GNAQ: variants seen among roughly 807,000 people sequenced by gnomAD.
The protein encoded by GNAQ is G protein subunit alpha q.
A neutral mutation model predicts 43.9 loss-of-function variants in GNAQ; 8 were observed. The observed-to-expected ratio is 0.18, with a 90% CI of 0.11 to 0.33. The LOEUF is 0.33. Among genes scored for constraint, GNAQ ranks in the 10% least tolerant of loss-of-function variants. The probability of loss-of-function intolerance (pLI) is 1.00; values close to 1 mark genes in which losing one functional copy is unlikely to be tolerated. For missense variants in GNAQ, 158 were observed against 450.8 expected, an observed-to-expected ratio of 0.35 and a Z score of 5.88; for synonymous variants, 155 against 170.7, an observed-to-expected ratio of 0.91 and a Z score of 0.71.
chr9:77,862,004 G>A (rs1280298263), intron 2 of GNAQ, among the ~76,000 whole-genome samples: 2 of 86,464 alleles, frequency 2.3e-5, no homozygotes. Flanking sequence ...GACTCTGTCT[G>A]GGGTAAAAAA....
chr9:77,955,384 A>C (rs1489738824), intron 1 of GNAQ, among the ~76,000 whole-genome samples: 1 of 152,042 alleles, frequency 6.6e-6, no homozygotes, highest in Non-Finnish European at 1.5e-5. Context: ...CTTGTGATCC[A>C]CCTGCCTCGG....
chr9:78,014,376 A>G (rs1428313633), intron 1 of GNAQ, among the ~76,000 whole-genome samples: 1 of 152,080 alleles, frequency 6.6e-6, no homozygotes, highest in East Asian at 1.9e-4. Flanking sequence ...TGTAATCCCA[A>G]CATTTTGGCA....
chr9:77,915,358 T>A lies in GNAQ; in HGVS notation c.321+6803A>T, dbSNP rs376049387. Among the ~76,000 whole-genome samples the A allele has an allele frequency of 3.9e-5, 6 of 152,136 alleles. No homozygotes were observed. In the East Asian group the frequency reaches 7.7e-4, roughly 20 times the overall value. On this transcript the variant is annotated intron_variant, in intron 2 of 6. Transcript: ENST00000286548. ...TTCTTTATTTCTGTACCTCTTTTAG[T>A]ATCCCATTTCAATGACTGTCACTCT...
intron 1 of GNAQ, among the ~76,000 whole-genome samples, chr9:77,996,259 AT>A (rs1263182651): frequency 5.3e-5 from 8 of 152,316 alleles, no homozygotes; most frequent in African/African-American, 1.9e-4. Context: ...GCTTTATTTA[AT>A]TTCATCTTTT....
rs1408231391 is a variant in GNAQ, at chr9:77,717,668, C to G, written c.*3655G>C. ...TTGACAATCAAGATAGTCTGAAGTA[C>G]AAAAAAGTAAATTGCCCTTTAGCTG... On this transcript the variant is annotated 3_prime_UTR_variant, in exon 7 of 7. Transcript: ENST00000286548. The G allele has an allele frequency of 4.4e-6, 1 of 228,530 alleles. No individual in the cohort carries two copies. Among genetic ancestry groups the G allele is most frequent in the Non-Finnish European group, 8.6e-6 (1 of 116,472 alleles). 14.2% of individuals were successfully genotyped at this position (228,530 alleles called of 1,614,324 possible). A position where few individuals can be genotyped will look rare whatever the true frequency, so the allele number is the denominator to read the frequency against.
intron 1 of GNAQ, among the ~76,000 whole-genome samples, chr9:77,939,637 T>C (rs930784483): frequency 5.9e-5 from 9 of 152,104 alleles, no homozygotes; most frequent in African/African-American, 2.2e-4. Flanking sequence ...AAACCACAAG[T>C]CAATAGCCAT....
chr9:77,990,525 T>C (rs1823495403), intron 1 of GNAQ, among the ~76,000 whole-genome samples: 1 of 152,206 alleles, frequency 6.6e-6, no homozygotes, highest in South Asian at 2.1e-4. Flanking sequence ...ATCCAACCTC[T>C]TTTAAGCCTT....
rs189163727 is a variant in GNAQ, at chr9:77,870,162, C to T, written c.321+51999G>A. Among the ~76,000 whole-genome samples, 417 of 152,216 alleles carry T rather than the reference C, an allele frequency of 2.7e-3. 3 individuals are homozygous for T. The highest frequency in any genetic ancestry group is 7.0e-3 in the Admixed American group (107 of 15,300). The stretch of plus-strand genomic sequence containing the variant: ...CACTGAGACAAAAAGTGATCTTCTA[C>T]ATTGAGAAGGCTATGGGAGCTTTAT... On this transcript the variant is annotated intron_variant, in intron 2 of 6. Coordinates refer to ENST00000286548, the MANE Select transcript of GNAQ (RefSeq NM_002072.5).
chr9:77,902,909 C>A (rs772685086), intron 2 of GNAQ, among the ~76,000 whole-genome samples: 3 of 152,194 alleles, frequency 2.0e-5, no homozygotes, highest in Non-Finnish European at 2.9e-5. Flanking sequence ...AACATGCAAG[C>A]TGGAGTTTCT....
intron 2 of GNAQ, among the ~76,000 whole-genome samples, chr9:77,817,834 G>A (rs1301633773): frequency 6.6e-6 from 1 of 152,160 alleles, no homozygotes; most frequent in Non-Finnish European, 1.5e-5. Flanking sequence ...ACGGACCAAG[G>A]AGGTCAAACG....
chr9:77,939,786 T>C (rs1386545110), intron 1 of GNAQ, among the ~76,000 whole-genome samples: 3 of 152,230 alleles, frequency 2.0e-5, no homozygotes, highest in African/African-American at 4.8e-5. Flanking sequence ...TTTATAATCA[T>C]AATATGTTGG....
chr9:77,965,569 G>C (rs950815639), intron 1 of GNAQ, among the ~76,000 whole-genome samples: 4 of 152,094 alleles, frequency 2.6e-5, no homozygotes, highest in Non-Finnish European at 5.9e-5. Context: ...TATCGAAAAA[G>C]TTATACAGAT....
chr9:77,787,432 G>GT (rs1264452533), intron 5 of GNAQ, among the ~76,000 whole-genome samples: 2 of 152,126 alleles, frequency 1.3e-5, no homozygotes, highest in African/African-American at 2.4e-5. Flanking sequence ...TCTTCTTTAT[G>GT]TGTGTGTATT....
intron 1 of GNAQ, among the ~76,000 whole-genome samples, chr9:78,002,774 T>C (rs1414208636): frequency 6.6e-6 from 1 of 152,148 alleles, no homozygotes; most frequent in Non-Finnish European, 1.5e-5. Flanking sequence ...ATCAAAGACA[T>C]CCAACTGTCA....
At chr9:77,769,888 G>C (rs143532063) in intron 5 of GNAQ, among the ~76,000 whole-genome samples, 314 of 152,018 alleles carry the variant, frequency 2.1e-3, no homozygotes, top group African/African-American at 6.9e-3. Flanking sequence ...GGATGGTCTC[G>C]ATCTCCTGAC....
At chr9:77,752,716 G>T (rs1024929969) in intron 5 of GNAQ, among the ~76,000 whole-genome samples, 14 of 152,098 alleles carry the variant, frequency 9.2e-5, no homozygotes, top group African/African-American at 2.9e-4. Flanking sequence ...AAAGTCACTG[G>T]GTTTCTACAG....
chr9:77,958,521 T>C (rs892542708), intron 1 of GNAQ, among the ~76,000 whole-genome samples: 1 of 152,232 alleles, frequency 6.6e-6, no homozygotes, highest in Admixed American at 6.5e-5. Context: ...CTTTGAAAGT[T>C]AGAAAATTGA....
intron 5 of GNAQ, among the ~76,000 whole-genome samples, chr9:77,746,669 T>C (rs1436447159): frequency 6.6e-6 from 1 of 152,158 alleles, no homozygotes; most frequent in African/African-American, 2.4e-5. Context: ...CATTGTTAAA[T>C]AGTGTAAACA....
intron 2 of GNAQ, among the ~76,000 whole-genome samples, chr9:77,874,109 A>AAACAAAAAAAC (rs1554722277): frequency 3.1e-4 from 46 of 148,180 alleles, no homozygotes; most frequent in Admixed American, 2.6e-3. Flanking sequence ...CATCTCAAAA[A>AAACAAAAAAAC]AAAAAAACAA....
Sources: allele counts gnomAD v4.1 joint callset (sites outside exome capture counted in the v4.1 genomes callset), GRCh38; gene constraint gnomAD v4.1.1; transcripts MANE v1.5; gene names NCBI Gene and HGNC (gene_info 2026-07-23, HGNC 2026-07-21).